Variants in ZSCAN18 observed in about 807,000 individuals in gnomAD.
ZSCAN18 encodes zinc finger and SCAN domain containing 18.
ZSCAN18 carries 16 observed loss-of-function variants against 31.1 expected under a neutral mutation model. The ratio of observed to expected loss-of-function variants is 0.51; its 90% CI spans 0.35 to 0.78. The LOEUF (loss-of-function observed/expected upper bound fraction) is 0.78, where lower values mean the gene tolerates loss of function less well. Among genes scored for constraint, ZSCAN18 ranks in the 30% least tolerant of loss-of-function variants. The probability of loss-of-function intolerance (pLI) is 0.01; values close to 1 mark genes in which losing one functional copy is unlikely to be tolerated. For missense variants in ZSCAN18, 731 were observed against 697.4 expected, an observed-to-expected ratio of 1.05 and a Z score of -0.54; for synonymous variants, 375 against 320.7, an observed-to-expected ratio of 1.17 and a Z score of -1.81.
chr19:58,084,847 G>A lies in ZSCAN18; in HGVS notation c.1371C>T (p.Ala457=), dbSNP rs1482984199. Residue 457 remains alanine, a synonymous_variant, in exon 7 of 7, where the codon GCC becomes GCT. Transcript: ENST00000601144. The surrounding 1 kb of genome is among the most constrained non-coding windows in gnomAD (Gnocchi z 4.5). The part of the protein sequence containing the change: ...WKTFHFSLAL[A]EHQKTHEKEK... ...CCTTCTCGTGGGTCTTCTGGTGCTC[G>A]GCTAGGGCCAGGCTGAAGTGGAAGG... is the stretch of plus-strand genomic sequence containing the variant. 1.3e-6 allele frequency: 2 copies of A among 1,599,682 alleles called. No homozygotes were observed. The highest frequency in any genetic ancestry group is 1.7e-6 in the Non-Finnish European group (2 of 1,175,150).
chr19:58,118,352 C>T (rs1311082368), exon 1 of ZSCAN18: 2 of 1,533,178 alleles, frequency 1.3e-6, no homozygotes, highest in Non-Finnish European at 1.8e-6. Context: ...ACTCACTTCC[C>T]GCCGCCGTAG....
chr19:58,109,530 A>G (rs73060518), intron 1 of ZSCAN18, among the ~76,000 whole-genome samples: 19,837 of 152,234 alleles, frequency 0.13, 1,692 homozygotes, highest in East Asian at 0.3. Context: ...CACTATCCAA[A>G]TGTCACCAAC....
intron 1 of ZSCAN18, among the ~76,000 whole-genome samples, chr19:58,105,444 G>A (rs1184875708): frequency 1.3e-5 from 2 of 151,420 alleles, no homozygotes; most frequent in African/African-American, 4.9e-5. Flanking sequence ...GGTGGATCAC[G>A]AGGTCAGGAG....
chr19:58,087,166 T>A lies in ZSCAN18; in HGVS notation c.642+150A>T, dbSNP rs906963694. ...GCAGCCCCCTTCGCACCACAAAGAT[T>A]CCGCCCTCACGCTCCCACCAGGGTG... is the stretch of plus-strand genomic sequence containing the variant. On this transcript the variant is annotated intron_variant, in intron 4 of 6. Transcript: ENST00000601144. The A allele has an allele frequency of 8.8e-6, 9 of 1,022,766 alleles. No homozygotes were observed. In the East Asian group the frequency reaches 2.1e-4, roughly 24 times the overall value. 63.4% of individuals were successfully genotyped at this position (1,022,766 alleles called of 1,614,324 possible).
At chr19:58,088,959 A>C in intron 2 of ZSCAN18, 122 bp from the exon 3 acceptor site, 9 of 903,778 alleles carry the variant, frequency 1.0e-5, no homozygotes, top group Non-Finnish European at 1.3e-5. Context: ...CCTGCACCTC[A>C]TCTTGGACCA....
At chr19:58,106,628 C>T (rs2146022536) in intron 1 of ZSCAN18, among the ~76,000 whole-genome samples, 1 of 28,556 alleles carries the variant, frequency 3.5e-5, no homozygotes, top group South Asian at 1.5e-3. Flanking sequence ...GGCGTGAACC[C>T]GGGAGGCGGA....
At position 58,089,966 on chromosome 19, in the gene ZSCAN18, A is replaced by T. The variant is rs2074377314; in HGVS notation, c.302T>A (p.Leu101Gln). Residue 101 changes from leucine to glutamine, a missense_variant, in exon 2 of 7, where the codon CTG becomes CAG. This residue lies in a region of ZSCAN18 where 2 missense variants were observed against 18.2 expected (regional missense o/e 0.11). Transcript: ENST00000601144. ...CACCCAGGGCCGGACCTTATCAGGC[A>T]GGATGCCCAGGAACTGCTCCAGCAC... is the stretch of plus-strand genomic sequence containing the variant. ...LLVLEQFLGILPDKVRPWVVA... is the reference protein window; with the variant it reads ...LLVLEQFLGIQPDKVRPWVVA... 6.2e-7 allele frequency: 1 copy of T among 1,614,042 alleles called. No individual in the cohort carries two copies. The highest frequency in any genetic ancestry group is 1.7e-5 in the Admixed American group (1 of 60,010).
intron 1 of ZSCAN18, among the ~76,000 whole-genome samples, chr19:58,111,739 A>C (rs1482609520): frequency 6.6e-6 from 1 of 152,040 alleles, no homozygotes; most frequent in Non-Finnish European, 1.5e-5. Flanking sequence ...ACACTTCCTA[A>C]CTCATCCTAT....
intron 1 of ZSCAN18, among the ~76,000 whole-genome samples, chr19:58,111,085 G>T (rs186628068): frequency 3.3e-5 from 5 of 151,932 alleles, no homozygotes; most frequent in Non-Finnish European, 1.5e-5. Flanking sequence ...GGAGAATGGC[G>T]TGAACCCGGG....
At chr19:58,103,148 C>T (rs2074608663), upstream of ZSCAN18, among the ~76,000 whole-genome samples, 1 of 151,516 alleles carries the variant, frequency 6.6e-6, no homozygotes, top group Non-Finnish European at 1.5e-5. Context: ...TAAAAAAAGG[C>T]TGCCAATTAA....
In ZSCAN18 at chr19:58,086,244, G is replaced by C. The variant is rs147947490; in HGVS notation, c.768C>G (p.Asp256Glu). The change falls in exon 6 of 7, where the codon GAC (aspartate) becomes GAG (glutamate). Residue 256 changes from aspartate (D) to glutamate (E), a missense_variant. By Grantham distance (45) the Asp-to-Glu change is conservative. Around this residue, in one of 4 missense-constraint regions of ZSCAN18, gnomAD observed 597 missense variants for 499.5 expected, o/e 1.20. Transcript: ENST00000601144. The part of the protein sequence containing the change: ...LLWGYQLSQP[D>E]AASRLDTEEL... Reference sequence around the variant, plus strand: ...CCTCAGTGTCCAGCCTGGAGGCAGCGTCAGGCTGGGAAAGCTGATACCCTG... The same window carrying C: ...CCTCAGTGTCCAGCCTGGAGGCAGCCTCAGGCTGGGAAAGCTGATACCCTG... The C allele has an allele frequency of 8.2e-4, 1,330 of 1,613,926 alleles. 12 individuals carry two copies. The African/African-American group carries it at 0.015, about 19-fold the overall frequency.
At position 58,094,723 on chromosome 19, in the gene ZSCAN18, G is replaced by T. The variant is rs113165815; in HGVS notation, c.-120+3451C>A. Among the ~76,000 whole-genome samples the T allele has an allele frequency of 2.0e-3, 301 of 151,676 alleles. 1 individual carries two copies. The highest frequency in any genetic ancestry group is 0.01 in the Middle Eastern group (3 of 294). ...CAAAACTTCATCTCTACAAAAAATA[G>T]AAAAATTAGCTAGGCACAGTGGTGC... On this transcript the variant is annotated intron_variant, in intron 1 of 6. Transcript: ENST00000601144.
At position 58,085,134 on chromosome 19, in the gene ZSCAN18, T is replaced by C; in HGVS notation, c.1084A>G (p.Arg362Gly). 1 of 1,609,100 alleles carries C rather than the reference T, an allele frequency of 6.2e-7. No homozygotes were observed. Among genetic ancestry groups the C allele is most frequent in the South Asian group, 1.1e-5 (1 of 90,668 alleles). Residue 362 changes from arginine to glycine, a missense_variant, in exon 7 of 7, where the codon AGG (arginine) becomes GGG (glycine). Coordinates refer to ENST00000601144, the MANE Select transcript of ZSCAN18 (RefSeq NM_001145543.2). Reference sequence around the variant, plus strand: ...TTGGTTCCCAGTTTCGCCGTGCCCCTGTCCGGGGCAGGCTGCTGGATGACG... The same window carrying C: ...TTGGTTCCCAGTTTCGCCGTGCCCCCGTCCGGGGCAGGCTGCTGGATGACG... Reference protein sequence around the residue: ...QSVIQQPAPDRGTAKLGTKRP... With the variant: ...QSVIQQPAPDGGTAKLGTKRP...
rs370635356 is a variant in ZSCAN18, at chr19:58,092,758, C to G, written c.-119-2372G>C. The stretch of plus-strand genomic sequence containing the variant: ...CATGCCGTGCCATCATCACCACCAC[C>G]ACGATACCTCTACTTTTTTTTTTTT... On this transcript the variant is annotated intron_variant, in intron 1 of 6. Coordinates refer to ENST00000601144, the MANE Select transcript of ZSCAN18 (RefSeq NM_001145543.2). 16 of 978,208 alleles carry G rather than the reference C, an allele frequency of 1.6e-5. No individual in the cohort carries two copies. The South Asian group carries it at 6.6e-4, about 41-fold the overall frequency. The allele number at this position is 978,208 out of a possible 1,614,324, so 60.6% of individuals were successfully genotyped here.
upstream of ZSCAN18, among the ~76,000 whole-genome samples, chr19:58,102,537 C>A (rs969301098): frequency 3.3e-5 from 5 of 152,212 alleles, no homozygotes; most frequent in African/African-American, 1.2e-4. Context: ...ACATTATGAA[C>A]TTTAAAAATC....
intron 1 of ZSCAN18, among the ~76,000 whole-genome samples, chr19:58,095,974 G>C (rs1599986916): frequency 6.6e-6 from 1 of 152,312 alleles, no homozygotes; most frequent in South Asian, 2.1e-4. Flanking sequence ...TCACAGCCAG[G>C]AGGATGAGGC....
At chr19:58,086,609 G>A in intron 5 of ZSCAN18, 1 of 492,538 alleles carries the variant, frequency 2.0e-6, no homozygotes. Flanking sequence ...ATCAGGCCAT[G>A]CAGGTGAGGC....
At chr19:58,101,299 A>ATTTTTTTTTTTTT (rs71188078), upstream of ZSCAN18, among the ~76,000 whole-genome samples, 99 of 108,350 alleles carry the variant, frequency 9.1e-4, no homozygotes, top group African/African-American at 1.1e-3. Flanking sequence ...TGCCCAGCTA[A>ATTTTTTTTTTTTT]TTTTTTTTTT....
At chr19:58,118,405 A>G (rs1246282524), upstream of ZSCAN18, 1 of 1,502,716 alleles carries the variant, frequency 6.7e-7, no homozygotes, top group Non-Finnish European at 8.9e-7. Context: ...ATGGGCGCGC[A>G]GAGTTCCCGG....
Sources: gnomAD v4.1 joint callset for allele counts (sites outside exome capture counted in the v4.1 genomes callset) on GRCh38, gnomAD v4.1.1 for gene constraint, gnomAD v4.1.1 regional missense constraint, Gnocchi (gnomAD v3.1) non-coding constraint, MANE v1.5 for transcripts, NCBI Gene and HGNC (gene_info 2026-07-23, HGNC 2026-07-21) for gene names.